Variants in FHIT observed in about 807,000 individuals in gnomAD.
FHIT encodes the protein bis(5'-adenosyl)-triphosphatase.
FHIT carries 19 observed loss-of-function variants against 17.9 expected under a neutral mutation model. The observed-to-expected ratio is 1.06, with a 90% confidence interval of 0.74 to 1.56. The LOEUF is 1.56. Ranked by LOEUF, FHIT falls within the 40% of genes most tolerant of loss-of-function variation. The probability of loss-of-function intolerance (pLI) is 0.00; values close to 1 mark genes in which losing one functional copy is unlikely to be tolerated. For synonymous variants in FHIT, 81 were observed against 69.7 expected (o/e 1.16, Z -0.81); for missense variants, 248 against 189.2 (o/e 1.31, Z -1.82).
chr3:60,317,435 T>G (rs1328685448), intron 5 of FHIT, among the ~76,000 whole-genome samples: 1 of 151,794 alleles, frequency 6.6e-6, no homozygotes, highest in Non-Finnish European at 1.5e-5. Context: ...TTCCACTGCT[T>G]ACTATTCACC....
At chr3:60,262,565 A>C (rs1195985129) in intron 5 of FHIT, among the ~76,000 whole-genome samples, 1 of 151,796 alleles carries the variant, frequency 6.6e-6, no homozygotes, top group Non-Finnish European at 1.5e-5. Context: ...TGTGCAGACC[A>C]CCCCTTTTGT....
chr3:59,963,395 A>G (rs1051353475), intron 7 of FHIT, among the ~76,000 whole-genome samples: 1 of 152,166 alleles, frequency 6.6e-6, no homozygotes, highest in African/African-American at 2.4e-5. Context: ...CTGAATTCTA[A>G]AGGTTAAATG....
At chr3:60,014,691 A>C (rs1275616957) in intron 5 of FHIT, among the ~76,000 whole-genome samples, 3 of 152,258 alleles carry the variant, frequency 2.0e-5, no homozygotes, top group Non-Finnish European at 4.4e-5. Flanking sequence ...GAAAATGTAC[A>C]GTGAACTTTA....
At chr3:59,894,021 CT>C (rs560332522) in intron 8 of FHIT, among the ~76,000 whole-genome samples, 13 of 152,284 alleles carry the variant, frequency 8.5e-5, no homozygotes, top group African/African-American at 3.1e-4. Context: ...AATACCAGCA[CT>C]TTGGGCGGCC....
intron 2 of FHIT, among the ~76,000 whole-genome samples, chr3:61,157,613 A>C (rs999938477): frequency 6.6e-6 from 1 of 152,190 alleles, no homozygotes; most frequent in Non-Finnish European, 1.5e-5. Context: ...ACTCTGAGAA[A>C]GACAGTGATA....
At chr3:60,355,644 A>T (rs1411089669) in intron 5 of FHIT, among the ~76,000 whole-genome samples, 3 of 152,216 alleles carry the variant, frequency 2.0e-5, no homozygotes, top group Non-Finnish European at 4.4e-5. Flanking sequence ...GCAAAGAAAC[A>T]ATCAGCAGCA....
Position 60,505,554 on chromosome 3 carries a change from C to G in FHIT, c.103+31306G>C, listed in dbSNP as rs2034694229. On this transcript the variant is annotated intron_variant, in intron 5 of 9. Coordinates refer to ENST00000492590, the MANE Select transcript of FHIT (RefSeq NM_002012.4). ...TGTAACTAATACAGACGCACATTCTCTCTCATATTTACACTTTTCACCTTT... is the reference window on the plus strand; with the variant it reads ...TGTAACTAATACAGACGCACATTCTGTCTCATATTTACACTTTTCACCTTT... 2.0e-5 allele frequency among the ~76,000 whole-genome samples: 3 copies of G among 152,114 alleles called. No individual in the cohort carries two copies. The South Asian group carries it at 6.2e-4, about 32-fold the overall frequency.
intron 5 of FHIT, among the ~76,000 whole-genome samples, chr3:60,341,430 G>A (rs917498318): frequency 1.3e-5 from 2 of 152,194 alleles, no homozygotes; most frequent in Non-Finnish European, 2.9e-5. Context: ...GAAGCCTGGA[G>A]AACCAGGCCC....
chr3:60,916,177 TG>T (rs1418335208), intron 3 of FHIT, among the ~76,000 whole-genome samples: 4 of 152,218 alleles, frequency 2.6e-5, no homozygotes, highest in Non-Finnish European at 4.4e-5. Context: ...ACACTTAAGC[TG>T]TTTTTAATCA....
intron 5 of FHIT, among the ~76,000 whole-genome samples, chr3:60,346,014 T>C (rs1710760111): frequency 6.6e-6 from 1 of 152,198 alleles, no homozygotes; most frequent in African/African-American, 2.4e-5. Context: ...GTCTTATCTA[T>C]TCTTCCTTTT....
At chr3:60,322,882 C>G (rs990666705) in intron 5 of FHIT, among the ~76,000 whole-genome samples, 1 of 152,116 alleles carries the variant, frequency 6.6e-6, no homozygotes, top group Non-Finnish European at 1.5e-5. Context: ...TTTGAACCGT[C>G]TGAATTATGA....
At chr3:60,135,133 G>A (rs184031060) in intron 5 of FHIT, among the ~76,000 whole-genome samples, 1 of 152,240 alleles carries the variant, frequency 6.6e-6, no homozygotes, top group Admixed American at 6.5e-5. Context: ...CAGTGCCACA[G>A]GAACTCAAAG....
intron 7 of FHIT, among the ~76,000 whole-genome samples, chr3:59,927,475 A>AAAAC (rs1322229413): frequency 1.6e-5 from 2 of 127,264 alleles, no homozygotes; most frequent in Non-Finnish European, 1.6e-5. Flanking sequence ...AAAAAAAAAA[A>AAAAC]AAAAACTGAA....
At chr3:59,922,589 T>G (rs1182932942) in intron 7 of FHIT, among the ~76,000 whole-genome samples, 175 bp from the exon 8 acceptor site, 1 of 152,056 alleles carries the variant, frequency 6.6e-6, no homozygotes, top group Admixed American at 6.6e-5. Flanking sequence ...GAGAAGAGAG[T>G]GCACTAAGCA....
intron 2 of FHIT, among the ~76,000 whole-genome samples, chr3:61,121,474 T>C (rs753323181): frequency 3.0e-4 from 45 of 152,180 alleles, no homozygotes; most frequent in Non-Finnish European, 5.4e-4. Flanking sequence ...CAGAATTTCA[T>C]ATCCAGCCAA....
At chr3:60,679,633 A>G (rs769852691) in intron 4 of FHIT, among the ~76,000 whole-genome samples, 26 of 152,196 alleles carry the variant, frequency 1.7e-4, no homozygotes, top group Middle Eastern at 3.4e-3. Flanking sequence ...AGAGTACTTA[A>G]TTATTCTATA....
chr3:60,003,479 A>T lies in FHIT; in HGVS notation c.279+7892T>A, dbSNP rs139051595. ...GTATTTAAGGATGTGGTGTAGTCTA[A>T]AACAAATGGTTCCAGAGCACTTTAA... On this transcript the variant is annotated intron_variant, in intron 7 of 9. Transcript: ENST00000492590. Among the ~76,000 whole-genome samples, 1,095 of 152,260 alleles carry T rather than the reference A, an allele frequency of 7.2e-3. 5 individuals carry two copies. The highest frequency in any genetic ancestry group is 0.031 in the Middle Eastern group (9 of 294).
intron 4 of FHIT, among the ~76,000 whole-genome samples, chr3:60,566,540 A>C (rs1290587940): frequency 2.0e-5 from 3 of 152,124 alleles, no homozygotes; most frequent in African/African-American, 7.2e-5. Context: ...TCCCTTTGAA[A>C]ACTGGCACAA....
At chr3:60,756,690 C>T (rs950073390) in intron 4 of FHIT, among the ~76,000 whole-genome samples, 1 of 152,152 alleles carries the variant, frequency 6.6e-6, no homozygotes, top group Admixed American at 6.5e-5. Context: ...TATGTTATCA[C>T]CTGTGATCCT....
Sources: gnomAD v4.1 joint callset for allele counts (sites outside exome capture counted in the v4.1 genomes callset) on GRCh38, gnomAD v4.1.1 for gene constraint, MANE v1.5 for transcripts, NCBI Gene and HGNC (gene_info 2026-07-23, HGNC 2026-07-21) for gene names.